The following TRPM3 variants were observed in gnomAD, a reference collection of about 807,000 sequenced individuals.
The protein encoded by TRPM3 is long transient receptor potential channel 3.
In TRPM3, 77 loss-of-function variants were observed where a neutral mutation model predicts 181.2. That is an observed-to-expected ratio of 0.42 (90% CI 0.35 to 0.51). The LOEUF (loss-of-function observed/expected upper bound fraction) is 0.51. Ranked by LOEUF, TRPM3 falls within the 20% of genes least tolerant of loss-of-function variation. The pLI is 0.01. For synonymous variants in TRPM3, 745 were observed against 796.4 expected (o/e 0.94, Z 1.09); for missense variants, 1,759 against 2,196.7 (o/e 0.80, Z 3.98).
chr9:71,264,289 A>C (rs1362498198), intron 1 of TRPM3, among the ~76,000 whole-genome samples: 2 of 152,148 alleles, frequency 1.3e-5, no homozygotes, highest in Non-Finnish European at 2.9e-5. Flanking sequence ...TCAGAAGTCA[A>C]AGAGAATTCA....
rs546302498 is a variant in TRPM3, at chr9:71,207,566, T to C, written c.183+239087A>G. Among the ~76,000 whole-genome samples the C allele has an allele frequency of 1.2e-4, 19 of 152,230 alleles. No homozygotes were observed. In the South Asian group the frequency reaches 3.7e-3, roughly 30 times the overall value. On this transcript the variant is annotated intron_variant, in intron 1 of 24. Transcript: ENST00000357533. ...AGATAAATGTGATATCCAGAATGTATCTTGTAACAGATATTGCATATCATT... is the reference window on the plus strand; with the variant it reads ...AGATAAATGTGATATCCAGAATGTACCTTGTAACAGATATTGCATATCATT...
chr9:71,018,830 A>C (rs1316668309), intron 1 of TRPM3, among the ~76,000 whole-genome samples: 3 of 151,916 alleles, frequency 2.0e-5, no homozygotes, highest in African/African-American at 7.2e-5. Context: ...CCTGACAAGA[A>C]CTTTATGAGA....
At chr9:71,220,438 T>C (rs2080170798) in intron 1 of TRPM3, among the ~76,000 whole-genome samples, 1 of 151,764 alleles carries the variant, frequency 6.6e-6, no homozygotes, top group African/African-American at 2.4e-5. Flanking sequence ...GAAGAAAAGC[T>C]AATTCCAGAC....
At chr9:71,196,167 A>ATGTG (rs71507026) in intron 1 of TRPM3, among the ~76,000 whole-genome samples, 10,698 of 149,332 alleles carry the variant, frequency 0.072, 1,224 homozygotes, top group African/African-American at 0.24. Context: ...ACACACGTAT[A>ATGTG]TGTGTGTGTG....
At chr9:71,252,818 A>G (rs2082425204) in intron 1 of TRPM3, among the ~76,000 whole-genome samples, 1 of 144,782 alleles carries the variant, frequency 6.9e-6, no homozygotes, top group Admixed American at 6.9e-5. Context: ...GACCACAGGC[A>G]TGCACACCTC....
intron 5 of TRPM3, among the ~76,000 whole-genome samples, chr9:70,831,979 A>ATATATATATATATATATATT (rs2093947266): frequency 4.8e-5 from 5 of 103,576 alleles, no homozygotes; most frequent in South Asian, 2.7e-4. Flanking sequence ...ATATATATAT[A>ATATATATATATATATATATT]TATATATATA....
chr9:71,122,184 G>A (rs1020256191), upstream of TRPM3, among the ~76,000 whole-genome samples: 1 of 152,214 alleles, frequency 6.6e-6, no homozygotes, highest in African/African-American at 2.4e-5. Context: ...CCCATAAAGT[G>A]CCACATGGGA....
rs12236161 is a variant in TRPM3 at position 71,354,397 on chromosome 9, C to T, written c.183+92256G>A. ...TCCACCCACACACTCATTAGGTACA[C>T]GACTCAAACCTCACTGTGGAGACTT... On this transcript the variant is annotated intron_variant, in intron 1 of 24. Coordinates refer to the TRPM3 transcript ENST00000357533. Among the ~76,000 whole-genome samples, 19 of 152,328 alleles carry T rather than the reference C, an allele frequency of 1.2e-4. No individual in the cohort carries two copies. In the South Asian group the frequency reaches 2.3e-3, roughly 18 times the overall value.
At chr9:70,916,855 G>A in intron 1 of TRPM3, 1 of 568,262 alleles carries the variant, frequency 1.8e-6, no homozygotes, top group South Asian at 2.6e-5. Context: ...TACTGAACTG[G>A]CAATCATAAA....
chr9:71,141,254 A>G (rs188278690), intron 1 of TRPM3, among the ~76,000 whole-genome samples: 1 of 152,310 alleles, frequency 6.6e-6, no homozygotes, highest in Admixed American at 6.5e-5. Flanking sequence ...TAATCAATGT[A>G]CTCACCTTCA....
intron 18 of TRPM3, 89 bp from the exon 19 acceptor site, chr9:70,610,838 C>T: frequency 2.0e-6 from 3 of 1,496,696 alleles, no homozygotes; most frequent in African/African-American, 1.4e-5. Context: ...GGAAAGGATG[C>T]TCATAGAACC....
intron 6 of TRPM3, among the ~76,000 whole-genome samples, chr9:70,797,694 C>T (rs985136072): frequency 8.5e-5 from 13 of 152,214 alleles, no homozygotes; most frequent in East Asian, 1.9e-4. Flanking sequence ...CACCCTTGGA[C>T]GTTCTCTGCC....
At chr9:70,600,256 C>A (rs546485295) in intron 20 of TRPM3, among the ~76,000 whole-genome samples, 7 of 151,978 alleles carry the variant, frequency 4.6e-5, no homozygotes, top group Admixed American at 3.9e-4. Context: ...TCTGAGGATT[C>A]CATCTCTTCA....
chr9:70,674,882 A>C (rs187430232), intron 9 of TRPM3, among the ~76,000 whole-genome samples: 6 of 151,520 alleles, frequency 4.0e-5, no homozygotes, highest in Non-Finnish European at 5.9e-5. Context: ...TGAAATTTTT[A>C]AAAAATTTAT....
chr9:70,749,665 A>G (rs2075787358), intron 8 of TRPM3, among the ~76,000 whole-genome samples: 1 of 152,238 alleles, frequency 6.6e-6, no homozygotes, highest in Non-Finnish European at 1.5e-5. Context: ...TGAGATAAGA[A>G]GAATAAAAGT....
intron 1 of TRPM3, among the ~76,000 whole-genome samples, chr9:70,902,799 G>T (rs1486037558): frequency 6.6e-6 from 1 of 152,204 alleles, no homozygotes; most frequent in Non-Finnish European, 1.5e-5. Context: ...CTCACACATA[G>T]TAATGTTTTA....
At chr9:71,009,325 A>G (rs2097711810) in intron 1 of TRPM3, among the ~76,000 whole-genome samples, 2 of 152,204 alleles carry the variant, frequency 1.3e-5, no homozygotes, top group Admixed American at 1.3e-4. Context: ...AGATGACATG[A>G]TCATATATAT....
Position 71,295,906 on chromosome 9 carries a change from A to G in TRPM3, c.183+150747T>C, listed in dbSNP as rs552659973. 2.6e-5 allele frequency among the ~76,000 whole-genome samples: 4 copies of G among 152,092 alleles called. No homozygotes were observed. The South Asian group carries it at 6.2e-4, about 24-fold the overall frequency. On this transcript the variant is annotated intron_variant, in intron 1 of 24. Transcript: ENST00000357533. ...ACCATAGAAGTAGAAGTTGGTCAAC[A>G]TAGTGACAGAACTCTTCCTGGACCA...
intron 1 of TRPM3, among the ~76,000 whole-genome samples, chr9:71,334,769 T>G (rs1264887163): frequency 2.0e-5 from 3 of 152,192 alleles, no homozygotes; most frequent in Non-Finnish European, 4.4e-5. Flanking sequence ...TTCTTTAACT[T>G]TAACTTAATT....
Sources: gnomAD v4.1 joint callset for allele counts (sites outside exome capture counted in the v4.1 genomes callset) on GRCh38, gnomAD v4.1.1 for gene constraint, MANE v1.5 for transcripts, NCBI Gene and HGNC (gene_info 2026-07-23, HGNC 2026-07-21) for gene names.